ASPRV1: variants seen among roughly 807,000 people sequenced by gnomAD.
ASPRV1 encodes the protein aspartic peptidase retroviral like 1, also known as retroviral-like aspartic protease 1.
ASPRV1 carries 7 observed loss-of-function variants against 11.0 expected under a neutral mutation model. The ratio of observed to expected loss-of-function variants is 0.64; its 90% CI spans 0.36 to 1.20. The LOEUF (loss-of-function observed/expected upper bound fraction) is 1.20. Among genes scored for constraint, ASPRV1 ranks in the 50% most tolerant of loss-of-function variants. The pLI is 0.02. For synonymous variants in ASPRV1, 136 were observed against 138.4 expected (o/e 0.98, Z 0.12); for missense variants, 299 against 320.0 (o/e 0.93, Z 0.50).
the ASPRV1 span, among the ~76,000 whole-genome samples, chr2:69,979,367 AC>A: frequency 6.6e-6 from 1 of 152,026 alleles, no homozygotes; most frequent in African/African-American, 2.4e-5. Flanking sequence ...GGCAGAAGCC[AC>A]CCCAGGCCCT....
At chr2:70,069,294 G>C in the ASPRV1 span, 1 of 152,164 alleles carries the variant, frequency 6.6e-6, no homozygotes, top group Non-Finnish European at 1.5e-5. Flanking sequence ...AACTGAAAGG[G>C]ACTGAAGGGC....
At chr2:70,036,958 G>A in the ASPRV1 span, among the ~76,000 whole-genome samples, 2 of 152,148 alleles carry the variant, frequency 1.3e-5, no homozygotes, top group African/African-American at 2.4e-5. Context: ...CTCTCAAGGA[G>A]ACTTCTGGCA....
At chr2:69,989,740 G>C in the ASPRV1 span, among the ~76,000 whole-genome samples, 1 of 152,240 alleles carries the variant, frequency 6.6e-6, no homozygotes, top group African/African-American at 2.4e-5. Context: ...GCCCCACCCA[G>C]GTGATGTGAC....
the ASPRV1 span, among the ~76,000 whole-genome samples, chr2:70,085,257 CCA>C: frequency 1.3e-5 from 2 of 152,160 alleles, no homozygotes; most frequent in African/African-American, 2.4e-5. Context: ...CTCAAATGTG[CCA>C]CAGACAGGGC....
At chr2:70,014,796 C>CAAAAAAAAAAAAAAAA in the ASPRV1 span, among the ~76,000 whole-genome samples, 49 of 73,948 alleles carry the variant, frequency 6.6e-4, no homozygotes, top group East Asian at 1.1e-3. Flanking sequence ...GACCTTGTCT[C>CAAAAAAAAAAAAAAAA]AAAAAAAAAA....
the ASPRV1 span, among the ~76,000 whole-genome samples, chr2:69,946,797 C>T: frequency 6.6e-6 from 1 of 152,108 alleles, no homozygotes; most frequent in Non-Finnish European, 1.5e-5. Flanking sequence ...AGAATGTGGG[C>T]ATTGACAGTG....
chr2:70,031,709 A>G, the ASPRV1 span: 1 of 152,040 alleles, frequency 6.6e-6, no homozygotes, highest in African/African-American at 2.4e-5. Flanking sequence ...AAAAAAGAAA[A>G]CCTGGGCTCA....
chr2:69,998,135 C>T, the ASPRV1 span: 2 of 135,486 alleles, frequency 1.5e-5, no homozygotes, highest in South Asian at 2.4e-4. Context: ...CCTGATAGTT[C>T]TAGAAAAAAA....
chr2:70,039,418 G>A, the ASPRV1 span, among the ~76,000 whole-genome samples: 1 of 152,182 alleles, frequency 6.6e-6, no homozygotes, highest in Non-Finnish European at 1.5e-5. Context: ...GAAATCTGAA[G>A]AAGGAATCAG....
At chr2:70,082,060 C>T in the ASPRV1 span, among the ~76,000 whole-genome samples, 1 of 152,080 alleles carries the variant, frequency 6.6e-6, no homozygotes, top group African/African-American at 2.4e-5. Context: ...TCACTGCAAC[C>T]TCTGCCTCCC....
the ASPRV1 span, among the ~76,000 whole-genome samples, chr2:69,999,955 C>T: frequency 6.6e-6 from 1 of 152,142 alleles, no homozygotes; most frequent in Non-Finnish European, 1.5e-5. Flanking sequence ...CTTGAGTTGG[C>T]CCCGCTCGCC....
the ASPRV1 span, among the ~76,000 whole-genome samples, chr2:70,037,143 A>T: frequency 6.6e-6 from 1 of 152,020 alleles, no homozygotes; most frequent in South Asian, 2.1e-4. Context: ...TTCAAATTCA[A>T]CTCCAGGAAA....
the ASPRV1 span, chr2:70,069,185 A>C: frequency 1.3e-5 from 2 of 152,226 alleles, no homozygotes; most frequent in Non-Finnish European, 2.9e-5. Flanking sequence ...TCACACAGTC[A>C]CACACTAGAC....
At chr2:69,979,505 CTA>C in the ASPRV1 span, among the ~76,000 whole-genome samples, 1 of 152,174 alleles carries the variant, frequency 6.6e-6, no homozygotes. Flanking sequence ...GAGGCCTGTA[CTA>C]TGTCCCTCTG....
At chr2:70,038,038 T>C in the ASPRV1 span, among the ~76,000 whole-genome samples, 1 of 152,216 alleles carries the variant, frequency 6.6e-6, no homozygotes, top group Admixed American at 6.5e-5. Context: ...GACTAGTTTT[T>C]CATTTGTCCA....
chr2:69,949,243 G>T, the ASPRV1 span, among the ~76,000 whole-genome samples: 2 of 151,490 alleles, frequency 1.3e-5, no homozygotes, highest in Admixed American at 6.6e-5. Context: ...GGCCACTTGG[G>T]GATGGATGGG....
At chr2:70,035,328 C>G in the ASPRV1 span, among the ~76,000 whole-genome samples, 38 of 152,138 alleles carry the variant, frequency 2.5e-4, no homozygotes, top group African/African-American at 8.0e-4. Flanking sequence ...TGTGGAATTA[C>G]CAGCTCACAG....
At chr2:70,029,645 A>C in the ASPRV1 span, among the ~76,000 whole-genome samples, 1 of 152,178 alleles carries the variant, frequency 6.6e-6, no homozygotes, top group East Asian at 1.9e-4. Context: ...CTCAAAAACA[A>C]AACAAAACAA....
Position 69,961,520 on chromosome 2 carries a change from A to T in ASPRV1, c.-84T>A. The T allele has an allele frequency of 6.2e-7, 1 of 1,614,162 alleles. No individual in the cohort carries two copies. Among genetic ancestry groups the T allele is most frequent in the South Asian group, 1.1e-5 (1 of 91,086 alleles). On this transcript the variant is annotated 5_prime_UTR_variant, in exon 1 of 1. Transcript: ENST00000320256. ...AGCAGTGTCGGCGCAATCACGCTGG[A>T]AAACGGGGCCTCTCGAAGCAGAGTG...
Sources: gnomAD v4.1 joint callset for allele counts (sites outside exome capture counted in the v4.1 genomes callset) on GRCh38, gnomAD v4.1.1 for gene constraint, MANE v1.5 for transcripts, NCBI Gene and HGNC (gene_info 2026-07-23, HGNC 2026-07-21) for gene names.